PPEF1: variants seen among roughly 807,000 people sequenced by gnomAD.
PPEF1 encodes protein phosphatase with EF-hand domain 1.
Under a neutral mutation model 53.3 loss-of-function variants are expected in PPEF1, and 12 were observed. That is an observed-to-expected ratio of 0.23 (90% CI 0.14 to 0.36). The LOEUF (loss-of-function observed/expected upper bound fraction) is 0.36, where lower values mean the gene tolerates loss of function less well. Among genes scored for constraint, PPEF1 ranks in the 10% least tolerant of loss-of-function variants. The pLI, the probability that PPEF1 is intolerant of heterozygous loss-of-function variation, is 1.00. For missense variants in PPEF1, 334 were observed against 490.4 expected, an observed-to-expected ratio of 0.68 and a Z score of 3.01; for synonymous variants, 165 against 176.7, an observed-to-expected ratio of 0.93 and a Z score of 0.52.
At chrX:18,706,400 A>C (rs780764538), upstream of PPEF1, among the ~76,000 whole-genome samples, 1 of 109,833 alleles carries the variant, frequency 9.1e-6, no homozygotes, top group Non-Finnish European at 1.9e-5. Flanking sequence ...ACTATAGAAC[A>C]CAAAGTTAGA....
intron 10 of PPEF1, among the ~76,000 whole-genome samples, chrX:18,798,233 A>G (rs1475597478): frequency 9.1e-6 from 1 of 110,373 alleles, no homozygotes; most frequent in Non-Finnish European, 1.9e-5. Flanking sequence ...ATGTCTCACT[A>G]TATTGCCCAG....
chrX:18,793,622 ATCTTTG>A (rs1187851545), intron 10 of PPEF1, among the ~76,000 whole-genome samples: 1 of 110,387 alleles, frequency 9.1e-6, no homozygotes, highest in Non-Finnish European at 1.9e-5. Flanking sequence ...TTGCTTTGAA[ATCTTTG>A]TCTGCTAAGT....
chrX:18,776,278 G>C (rs2045965047), intron 6 of PPEF1, among the ~76,000 whole-genome samples: 1 of 111,248 alleles, frequency 9.0e-6, no homozygotes, highest in Non-Finnish European at 1.9e-5. Flanking sequence ...GTGTCACCCA[G>C]GCTGGAATAC....
At chrX:18,711,263 A>C (rs971364673) in intron 1 of PPEF1, among the ~76,000 whole-genome samples, 1 of 93,062 alleles carries the variant, frequency 1.1e-5, no homozygotes, top group African/African-American at 3.9e-5. Context: ...GAGCTAAATA[A>C]TGTATACATA....
intron 1 of PPEF1, among the ~76,000 whole-genome samples, chrX:18,717,790 C>T (rs1393096663): frequency 3.6e-5 from 4 of 111,419 alleles, no homozygotes; most frequent in Admixed American, 9.6e-5. Context: ...CCTCTGGGTT[C>T]CCCCTTGGCT....
chrX:18,793,869 C>A (rs2037977013), intron 10 of PPEF1, among the ~76,000 whole-genome samples: 1 of 111,499 alleles, frequency 9.0e-6, no homozygotes, highest in South Asian at 3.8e-4. Flanking sequence ...TATTCCCCTT[C>A]AGTGTGCAGC....
intron 3 of PPEF1, among the ~76,000 whole-genome samples, chrX:18,748,858 A>G (rs2045381518): frequency 8.9e-6 from 1 of 112,047 alleles, no homozygotes; most frequent in Non-Finnish European, 1.9e-5. Flanking sequence ...GAACTGGTAC[A>G]TAGCACTTCC....
intron 4 of PPEF1, 90 bp downstream of exon 4, chrX:18,750,042 T>C (rs2045412130): frequency 1.1e-6 from 1 of 871,789 alleles, no homozygotes; most frequent in Non-Finnish European, 1.6e-6. Flanking sequence ...ACAGCAGAGA[T>C]GCATTTCTTT....
chrX:18,788,054 C>G (rs751289455), intron 9 of PPEF1, among the ~76,000 whole-genome samples: 1 of 111,894 alleles, frequency 8.9e-6, no homozygotes, highest in Non-Finnish European at 1.9e-5. Context: ...CAGTGGCTCA[C>G]GCCTGTAATC....
intron 1 of PPEF1, among the ~76,000 whole-genome samples, chrX:18,713,243 G>A (rs1256333803): frequency 9.0e-6 from 1 of 110,708 alleles, no homozygotes; most frequent in East Asian, 2.8e-4. Flanking sequence ...AGCTATCTGG[G>A]CATGAGGTTT....
intron 4 of PPEF1, among the ~76,000 whole-genome samples, chrX:18,757,137 T>C (rs1465064956): frequency 9.0e-6 from 1 of 111,649 alleles, no homozygotes; most frequent in Non-Finnish European, 1.9e-5. Flanking sequence ...TTTCACATGC[T>C]CAGTAGCTCC....
At chrX:18,723,740 C>CGG (rs2044640971) in intron 1 of PPEF1, among the ~76,000 whole-genome samples, 4 of 109,852 alleles carry the variant, frequency 3.6e-5, no homozygotes, top group African/African-American at 1.3e-4. Flanking sequence ...GGAATGTGAG[C>CGG]GGGAGAAGGT....
At chrX:18,806,096 A>G (rs760969570) in intron 11 of PPEF1, among the ~76,000 whole-genome samples, 16 of 111,177 alleles carry the variant, frequency 1.4e-4, no homozygotes, top group African/African-American at 5.2e-4. Flanking sequence ...CCTTGGAAAA[A>G]GAATTTGCAA....
intron 10 of PPEF1, among the ~76,000 whole-genome samples, chrX:18,794,790 C>T (rs985400938): frequency 8.9e-6 from 1 of 111,937 alleles, no homozygotes; most frequent in South Asian, 3.7e-4. Flanking sequence ...AAACCATAGC[C>T]CTCTACTGGG....
At chrX:18,711,263 A>G (rs971364673) in intron 1 of PPEF1, among the ~76,000 whole-genome samples, 3 of 93,062 alleles carry the variant, frequency 3.2e-5, no homozygotes, top group Non-Finnish European at 2.1e-5. Context: ...GAGCTAAATA[A>G]TGTATACATA....
At chrX:18,805,080 G>A (rs1485934336) in intron 11 of PPEF1, among the ~76,000 whole-genome samples, 6 of 109,062 alleles carry the variant, frequency 5.5e-5, no homozygotes, top group Non-Finnish European at 1.1e-4. Context: ...TCCGCCTCCC[G>A]AGTTCAAGTG....
chrX:18,817,068 A>ATATGTGTGTGTGTGTG (rs1491253769), intron 12 of PPEF1, among the ~76,000 whole-genome samples: 20 of 100,118 alleles, frequency 2.0e-4, no homozygotes, highest in East Asian at 1.3e-3. Context: ...TCATTTTGCC[A>ATATGTGTGTGTGTGTG]TGTGTGTGTG....
At chrX:18,736,353 T>A (rs2147392596) in intron 3 of PPEF1, among the ~76,000 whole-genome samples, 1 of 112,287 alleles carries the variant, frequency 8.9e-6, no homozygotes, top group African/African-American at 3.2e-5. Flanking sequence ...TGTTGGATTT[T>A]GTCAAAGGCC....
At chrX:18,680,230 G>GCTC (rs1405667701), upstream of PPEF1, among the ~76,000 whole-genome samples, 3 of 110,127 alleles carry the variant, frequency 2.7e-5, no homozygotes, top group Admixed American at 9.8e-5. Flanking sequence ...TGCTGCTGCT[G>GCTC]CTCTCAGCCT....
Sources: gnomAD v4.1 joint callset for allele counts (sites outside exome capture counted in the v4.1 genomes callset) on GRCh38, gnomAD v4.1.1 for gene constraint, MANE v1.5 for transcripts, NCBI Gene and HGNC (gene_info 2026-07-23, HGNC 2026-07-21) for gene names.